Variants in ADCY9 observed in about 807,000 individuals in gnomAD.
ADCY9 encodes adenylate cyclase 9.
A neutral mutation model predicts 101.5 loss-of-function variants in ADCY9; 50 were observed. The ratio of observed to expected loss-of-function variants is 0.49; its 90% CI spans 0.39 to 0.62. The LOEUF (loss-of-function observed/expected upper bound fraction) is 0.62, where lower values mean the gene tolerates loss of function less well. Ranked by LOEUF, ADCY9 falls within the 20% of genes least tolerant of loss-of-function variation. The pLI is 0.00. For missense variants in ADCY9, 1,662 were observed against 1,800.4 expected (o/e 0.92, Z 1.39); for synonymous variants, 905 against 769.3 (o/e 1.18, Z -2.92).
intron 2 of ADCY9, among the ~76,000 whole-genome samples, chr16:4,035,521 G>A (rs1278981306): frequency 1.3e-5 from 2 of 152,090 alleles, no homozygotes; most frequent in Non-Finnish European, 2.9e-5. Flanking sequence ...CAAAACACAC[G>A]TGCACACATG....
At chr16:3,956,090 A>G (rs1432109247) in intron 5 of ADCY9, among the ~76,000 whole-genome samples, 1 of 151,720 alleles carries the variant, frequency 6.6e-6, no homozygotes, top group Non-Finnish European at 1.5e-5. Flanking sequence ...AATTTGTAGA[A>G]ACGAGGTCTC....
At chr16:4,098,203 C>T (rs115534514) in intron 2 of ADCY9, among the ~76,000 whole-genome samples, 1,910 of 151,450 alleles carry the variant, frequency 0.013, 39 homozygotes, top group African/African-American at 0.043. Context: ...ATGTCATCTA[C>T]GTTTTGGTTT....
At chr16:4,102,233 C>G (rs2057047877) in intron 2 of ADCY9, among the ~76,000 whole-genome samples, 1 of 152,168 alleles carries the variant, frequency 6.6e-6, no homozygotes, top group African/African-American at 2.4e-5. Context: ...CAACGACCCT[C>G]TGACAGAGAC....
At position 4,029,258 on chromosome 16, in the gene ADCY9, G is replaced by T. The variant is rs571641664; in HGVS notation, c.1694-21700C>A. On this transcript the variant is annotated intron_variant, in intron 2 of 10. Transcript: ENST00000294016. ...GAAGTAGAGAAATAGGACAAAAAAAGTCCTCACCTAACAAAGAAAAAAAGT... is the reference window on the plus strand; with the variant it reads ...GAAGTAGAGAAATAGGACAAAAAAATTCCTCACCTAACAAAGAAAAAAAGT... 2.6e-5 allele frequency among the ~76,000 whole-genome samples: 4 copies of T among 152,160 alleles called. No homozygotes were observed. In the South Asian group the frequency reaches 6.2e-4, roughly 24 times the overall value.
At position 4,114,098 on chromosome 16, in the gene ADCY9, C is replaced by T; in HGVS notation, c.1345G>A (p.Ala449Thr). ...STLGDCYYCVAGCPEPRADHA... is the reference protein window; with the variant it reads ...STLGDCYYCVTGCPEPRADHA... Reference sequence around the variant, plus strand: ...TCGGCCCGGGGCTCGGGACAGCCCGCCACGCAGTAGTAACAGTCTCCCAGG... The same window carrying T: ...TCGGCCCGGGGCTCGGGACAGCCCGTCACGCAGTAGTAACAGTCTCCCAGG... Residue 449 changes from alanine (A) to threonine (T), a missense_variant, in exon 2 of 11, where the codon GCG (alanine) becomes ACG (threonine). Ala to Thr is a moderately conservative substitution (Grantham distance 58). Coordinates refer to ENST00000294016, the MANE Select transcript of ADCY9 (RefSeq NM_001116.4). This position sits in a 1 kb window ranked among gnomAD's most constrained non-coding sequence, Gnocchi z 4.3. 1 of 1,613,838 alleles carries T rather than the reference C, an allele frequency of 6.2e-7. No individual in the cohort carries two copies. The highest frequency in any genetic ancestry group is 8.5e-7 in the Non-Finnish European group (1 of 1,180,034).
At chr16:4,013,259 G>GAA (rs59503747) in intron 2 of ADCY9, among the ~76,000 whole-genome samples, 141,357 of 149,306 alleles carry the variant, frequency 0.95, 67,338 homozygotes, top group East Asian at 1. Context: ...AAAAAAAAAA[G>GAA]AAAAAGAAAA....
chr16:4,045,728 T>A lies in ADCY9; in HGVS notation c.1694-38170A>T, dbSNP rs556620060. The stretch of plus-strand genomic sequence containing the variant: ...CTTGTGAATTTTTTGAGATAGGGTC[T>A]CACTCTGTTGCCCAGGCTGCAGTAC... On this transcript the variant is annotated intron_variant, in intron 2 of 10. Coordinates refer to ENST00000294016, the MANE Select transcript of ADCY9 (RefSeq NM_001116.4). Among the ~76,000 whole-genome samples, 19 of 151,756 alleles carry A rather than the reference T, an allele frequency of 1.3e-4. No individual in the cohort carries two copies. The South Asian group carries it at 1.3e-3, about 10-fold the overall frequency.
intron 2 of ADCY9, among the ~76,000 whole-genome samples, chr16:4,043,123 T>C (rs2056638848): frequency 6.6e-6 from 1 of 151,778 alleles, no homozygotes. Flanking sequence ...CCCAGCTACT[T>C]GGGAGGCTGA....
At chr16:4,079,877 G>T (rs1303580133) in intron 2 of ADCY9, among the ~76,000 whole-genome samples, 1 of 151,464 alleles carries the variant, frequency 6.6e-6, no homozygotes, top group East Asian at 1.9e-4. Context: ...TCTTCTTTTT[G>T]CTTATCTGTC....
chr16:3,955,712 C>A (rs2141661213), intron 5 of ADCY9, among the ~76,000 whole-genome samples: 1 of 152,134 alleles, frequency 6.6e-6, no homozygotes, highest in Non-Finnish European at 1.5e-5. Flanking sequence ...CCACGCCCAG[C>A]TAATTTTTTT....
chr16:4,097,280 T>C (rs1322612111), intron 2 of ADCY9, among the ~76,000 whole-genome samples: 3 of 151,510 alleles, frequency 2.0e-5, no homozygotes, highest in African/African-American at 4.9e-5. Context: ...TGGTCAGCCC[T>C]CTCGGCCACC....
In ADCY9 at chr16:4,114,589, C is replaced by G. The variant is rs868541812; in HGVS notation, c.854G>C (p.Gly285Ala). Reference protein sequence around the residue: ...GALHWELLSRGLLHGCIHAIG... With the variant: ...GALHWELLSRALLHGCIHAIG... ...GGCGTGGATGCAGCCGTGGAGCAGC[C>G]CCCTGCTCAGCAGCTCCCAGTGCAG... The change falls in exon 2 of 11, where the codon GGG becomes GCG. Residue 285 changes from glycine to alanine, a missense_variant. By Grantham distance (60) the Gly-to-Ala change is moderately conservative (BLOSUM62 0). Around this residue, in one of 5 missense-constraint regions of ADCY9, gnomAD observed 422 missense variants for 392.0 expected, o/e 1.08. Coordinates refer to ENST00000294016, the MANE Select transcript of ADCY9 (RefSeq NM_001116.4). This position sits in a 1 kb window ranked among gnomAD's most constrained non-coding sequence, Gnocchi z 4.3. The G allele has an allele frequency of 3.1e-6, 5 of 1,613,800 alleles. No individual in the cohort carries two copies. Among genetic ancestry groups the G allele is most frequent in the Non-Finnish European group, 4.2e-6 (5 of 1,180,050 alleles).
At position 3,963,590 on chromosome 16, in the gene ADCY9, C is replaced by T. The variant is rs930698744; in HGVS notation, c.*2185G>A. ...TCCTTGGTTTCCCGGGGTGAGGAAT[C>T]ACAAACACCTTTGTGGTTGGGGAAG... On this transcript the variant is annotated 3_prime_UTR_variant, in exon 11 of 11. Coordinates refer to ENST00000294016, the MANE Select transcript of ADCY9 (RefSeq NM_001116.4). 2 of 366,938 alleles carry T rather than the reference C, an allele frequency of 5.5e-6. No homozygotes were observed. Among genetic ancestry groups the T allele is most frequent in the African/African-American group, 4.2e-5 (2 of 47,688 alleles). 22.7% of individuals were successfully genotyped at this position (366,938 alleles called of 1,614,324 possible).
intron 2 of ADCY9, among the ~76,000 whole-genome samples, chr16:4,018,618 G>C (rs988132312): frequency 2.0e-5 from 3 of 152,212 alleles, no homozygotes; most frequent in African/African-American, 7.2e-5. Context: ...CTCTCTCCCA[G>C]ATCGTATCTG....
chr16:4,050,426 T>C (rs911029351), intron 2 of ADCY9, among the ~76,000 whole-genome samples: 1 of 151,944 alleles, frequency 6.6e-6, no homozygotes, highest in Non-Finnish European at 1.5e-5. Flanking sequence ...TTTAATTTCC[T>C]AGCTATGCCA....
chr16:4,028,607 G>T (rs2056533437), intron 2 of ADCY9, among the ~76,000 whole-genome samples: 1 of 152,172 alleles, frequency 6.6e-6, no homozygotes, highest in Admixed American at 6.6e-5. Flanking sequence ...GGTATTGCCT[G>T]AAACCAGATA....
In ADCY9 at chr16:4,114,945, C is replaced by G. The variant is rs757336207; in HGVS notation, c.498G>C (p.Lys166Asn). 5 of 1,613,978 alleles carry G rather than the reference C, an allele frequency of 3.1e-6. No homozygotes were observed. Among genetic ancestry groups the G allele is most frequent in the South Asian group, 1.1e-5 (1 of 91,092 alleles). ...CVGFFLFTFTKLYARHYAWTS... is the reference protein window; with the variant it reads ...CVGFFLFTFTNLYARHYAWTS... ...TCCACGCGTAATGCCGGGCGTACAG[C>G]TTGGTGAAGGTAAACAGAAAGAAGC... Residue 166 changes from lysine (K) to asparagine (N), a missense_variant, in exon 2 of 11, where the codon AAG becomes AAC. By Grantham distance (94) the Lys-to-Asn change is moderately conservative (BLOSUM62 0). Coordinates refer to ENST00000294016, the MANE Select transcript of ADCY9 (RefSeq NM_001116.4). The surrounding 1 kb of genome is among the most constrained non-coding windows in gnomAD (Gnocchi z 4.3).
intron 5 of ADCY9, among the ~76,000 whole-genome samples, chr16:3,990,072 C>G (rs1048873294): frequency 6.6e-6 from 1 of 152,172 alleles, no homozygotes; most frequent in Non-Finnish European, 1.5e-5. Context: ...CCTTTCTATA[C>G]TGCAGAAAAT....
intron 8 of ADCY9, among the ~76,000 whole-genome samples, chr16:3,977,980 G>A (rs964679780): frequency 6.6e-6 from 1 of 152,164 alleles, no homozygotes; most frequent in Admixed American, 6.5e-5. Context: ...GCCTCTCAAA[G>A]TGCCTGGGAT....
Sources: allele counts gnomAD v4.1 joint callset (sites outside exome capture counted in the v4.1 genomes callset), GRCh38; gene constraint gnomAD v4.1.1; regional missense constraint gnomAD v4.1.1; non-coding constraint Gnocchi (gnomAD v3.1); transcripts MANE v1.5; gene names NCBI Gene and HGNC (gene_info 2026-07-23, HGNC 2026-07-21).